Variants in CDK6 observed in about 807,000 individuals in gnomAD.
CDK6 encodes cyclin dependent kinase 6.
In CDK6, 6 loss-of-function variants were observed where a neutral mutation model predicts 37.1. The observed-to-expected ratio is 0.16, with a 90% confidence interval of 0.09 to 0.32. The LOEUF (loss-of-function observed/expected upper bound fraction) is 0.32. CDK6 is among the 10% of genes least tolerant of loss of function. The probability of loss-of-function intolerance (pLI) is 1.00; values close to 1 mark genes in which losing one functional copy is unlikely to be tolerated. For synonymous variants in CDK6, 160 were observed against 161.3 expected, an observed-to-expected ratio of 0.99 and a Z score of 0.06; for missense variants, 224 against 418.9, an observed-to-expected ratio of 0.53 and a Z score of 4.06.
chr7:92,818,312 G>A (rs971050497), intron 2 of CDK6, among the ~76,000 whole-genome samples: 1 of 151,954 alleles, frequency 6.6e-6, no homozygotes, highest in Admixed American at 6.6e-5. Context: ...CTCAACTAAT[G>A]TTTAGCAAAG....
chr7:92,638,470 TAGA>T (rs2116528319), intron 5 of CDK6, among the ~76,000 whole-genome samples: 1 of 152,298 alleles, frequency 6.6e-6, no homozygotes, highest in East Asian at 1.9e-4. Context: ...AATGCCCAGA[TAGA>T]AGGATGCTTC....
intron 4 of CDK6, among the ~76,000 whole-genome samples, chr7:92,677,710 G>A (rs1797238321): frequency 6.6e-6 from 1 of 152,190 alleles, no homozygotes; most frequent in Non-Finnish European, 1.5e-5. Flanking sequence ...TATATCAAGA[G>A]AGCATCCCCA....
Position 92,813,747 on chromosome 7 carries a change from A to G in CDK6, c.233+19344T>C, listed in dbSNP as rs1225973669. 2.6e-5 allele frequency among the ~76,000 whole-genome samples: 4 copies of G among 152,320 alleles called. 1 individual carries two copies. The South Asian group carries it at 6.2e-4, about 24-fold the overall frequency. On this transcript the variant is annotated intron_variant, in intron 2 of 7. Transcript: ENST00000424848. ...TGAAACTTCCAGTACATAATTAGCT[A>G]TTTTGGGGAGGGGAGGAACATGGGG...
chr7:92,832,846 G>A (rs559305165), intron 2 of CDK6, among the ~76,000 whole-genome samples: 3 of 152,220 alleles, frequency 2.0e-5, no homozygotes, highest in Non-Finnish European at 4.4e-5. Context: ...TTGCACAGCT[G>A]CAGGGAAGCC....
intron 4 of CDK6, among the ~76,000 whole-genome samples, chr7:92,718,318 G>C (rs1162239211): frequency 6.6e-6 from 1 of 152,034 alleles, no homozygotes; most frequent in African/African-American, 2.4e-5. Flanking sequence ...CGGGGCTTTG[G>C]GTTTTTTCCA....
intron 4 of CDK6, among the ~76,000 whole-genome samples, chr7:92,677,679 G>A (rs10278890): frequency 0.18 from 26,644 of 152,064 alleles, 3,616 homozygotes; most frequent in African/African-American, 0.38. Context: ...GTTGTTTCCT[G>A]GTTTATGTAA....
intron 3 of CDK6, among the ~76,000 whole-genome samples, chr7:92,766,587 A>G (rs563256222): frequency 1.3e-5 from 2 of 152,230 alleles, no homozygotes; most frequent in East Asian, 1.9e-4. Flanking sequence ...GGAAAAGAAG[A>G]AGGCTGACAG....
rs73408704 is a variant in CDK6, at chr7:92,807,350, C to T, written c.233+25741G>A. Among the ~76,000 whole-genome samples the T allele has an allele frequency of 5.4e-3, 815 of 151,788 alleles. 7 individuals carry two copies. The highest frequency in any genetic ancestry group is 0.018 in the African/African-American group (759 of 41,390). On this transcript the variant is annotated intron_variant, in intron 2 of 7. Transcript: ENST00000424848. ...CTAGATAGAGAGATGTATATATCTC[C>T]AGATTTCTGTATCTATATCTAGATA...
intron 2 of CDK6, among the ~76,000 whole-genome samples, chr7:92,806,898 T>C (rs2115923092): frequency 6.6e-6 from 1 of 152,252 alleles, no homozygotes; most frequent in Non-Finnish European, 1.5e-5. Context: ...GCAAGAAAAA[T>C]TTACTTTGTG....
At position 92,605,174 on chromosome 7, in the gene CDK6, A is replaced by G; in HGVS notation, c.*9966T>C. On this transcript the variant is annotated 3_prime_UTR_variant, in exon 8 of 8. Coordinates refer to ENST00000424848, the MANE Select transcript of CDK6 (RefSeq NM_001145306.2). ...ACATAAGTGAACACATTGGACAGTGATATTTCAACACCAATTTTGAAAAAA... is the reference window on the plus strand; with the variant it reads ...ACATAAGTGAACACATTGGACAGTGGTATTTCAACACCAATTTTGAAAAAA... 4.3e-6 allele frequency: 1 copy of G among 233,352 alleles called. No individual in the cohort carries two copies. The highest frequency in any genetic ancestry group is 6.1e-5 in the East Asian group (1 of 16,460). 14.5% of individuals were successfully genotyped at this position (233,352 alleles called of 1,614,324 possible).
chr7:92,675,874 C>G (rs928734530), intron 4 of CDK6, among the ~76,000 whole-genome samples: 8 of 152,058 alleles, frequency 5.3e-5, no homozygotes, highest in Admixed American at 2.0e-4. Flanking sequence ...TAAATTTGAA[C>G]ATAGTATTTC....
intron 3 of CDK6, among the ~76,000 whole-genome samples, chr7:92,756,742 A>G (rs1222722782): frequency 6.6e-6 from 1 of 152,196 alleles, no homozygotes; most frequent in African/African-American, 2.4e-5. Flanking sequence ...CCATCCTGTT[A>G]AAGGGACAGG....
chr7:92,802,527 C>T (rs1800606917), intron 2 of CDK6, among the ~76,000 whole-genome samples: 1 of 152,148 alleles, frequency 6.6e-6, no homozygotes, highest in Non-Finnish European at 1.5e-5. Flanking sequence ...ATCATTCTCT[C>T]CTCTCAAAGT....
intron 4 of CDK6, among the ~76,000 whole-genome samples, chr7:92,715,577 C>T (rs1292303174): frequency 2.0e-5 from 3 of 152,072 alleles, no homozygotes; most frequent in African/African-American, 7.2e-5. Context: ...GGGTTTCAAT[C>T]CCTAGAGAGG....
chr7:92,803,181 CACTTATTAAGT>C (rs1800629127), intron 2 of CDK6, among the ~76,000 whole-genome samples: 1 of 152,132 alleles, frequency 6.6e-6, no homozygotes. Flanking sequence ...ACATAATAAG[CACTTATTAAGT>C]ACTTGCAATA....
At chr7:92,628,365 T>G (rs535851594) in intron 5 of CDK6, among the ~76,000 whole-genome samples, 195 of 64,436 alleles carry the variant, frequency 3.0e-3, no homozygotes, top group Non-Finnish European at 4.3e-3. Flanking sequence ...CTTCATTCCC[T>G]ACTTTAATAC....
chr7:92,755,499 C>T (rs1341147501), intron 3 of CDK6, among the ~76,000 whole-genome samples: 1 of 152,058 alleles, frequency 6.6e-6, no homozygotes, highest in Non-Finnish European at 1.5e-5. Context: ...GGCGAGGGGC[C>T]CACAGCTCTA....
chr7:92,769,155 G>A (rs1336589248), intron 3 of CDK6, among the ~76,000 whole-genome samples: 1 of 152,100 alleles, frequency 6.6e-6, no homozygotes, highest in African/African-American at 2.4e-5. Flanking sequence ...TCTGGGTTTT[G>A]TAAAATAAAC....
intron 2 of CDK6, among the ~76,000 whole-genome samples, chr7:92,777,730 C>T (rs1050001025): frequency 6.6e-6 from 1 of 152,052 alleles, no homozygotes; most frequent in Non-Finnish European, 1.5e-5. Flanking sequence ...TTTTTGGTTC[C>T]ATATGAAATT....
Sources: allele counts gnomAD v4.1 joint callset (sites outside exome capture counted in the v4.1 genomes callset), GRCh38; gene constraint gnomAD v4.1.1; transcripts MANE v1.5; gene names NCBI Gene and HGNC (gene_info 2026-07-23, HGNC 2026-07-21).